Variants in AGBL4 observed in about 807,000 individuals in gnomAD.
The protein encoded by AGBL4 is AGBL carboxypeptidase 4.
AGBL4 carries 58 observed loss-of-function variants against 66.4 expected under a neutral mutation model. The ratio of observed to expected loss-of-function variants is 0.87; its 90% CI spans 0.71 to 1.09. The LOEUF (loss-of-function observed/expected upper bound fraction) is 1.09, where lower values mean the gene tolerates loss of function less well. Among genes scored for constraint, AGBL4 ranks in the 50% least tolerant of loss-of-function variants. AGBL4 has a pLI of 0.00. For synonymous variants in AGBL4, 234 were observed against 222.9 expected (o/e 1.05, Z -0.44); for missense variants, 579 against 631.0 (o/e 0.92, Z 0.88).
At chr1:49,595,548 G>C (rs1644836390) in intron 3 of AGBL4, among the ~76,000 whole-genome samples, 1 of 151,608 alleles carries the variant, frequency 6.6e-6, no homozygotes, top group South Asian at 2.1e-4. Context: ...CATCATTTTG[G>C]AAACATTGCT....
chr1:49,788,031 A>G (rs1644503839), intron 2 of AGBL4, among the ~76,000 whole-genome samples: 1 of 152,238 alleles, frequency 6.6e-6, no homozygotes, highest in Admixed American at 6.5e-5. Context: ...CAGGACATTC[A>G]AGGAGCCAGG....
At chr1:49,341,620 T>C (rs577789480) in intron 3 of AGBL4, among the ~76,000 whole-genome samples, 1 of 152,296 alleles carries the variant, frequency 6.6e-6, no homozygotes, top group South Asian at 2.1e-4. Context: ...CTATTCTCTT[T>C]GGATTAATCT....
intron 6 of AGBL4, among the ~76,000 whole-genome samples, chr1:48,857,793 TA>T (rs1313950537): frequency 1.3e-5 from 2 of 151,898 alleles, no homozygotes; most frequent in East Asian, 3.9e-4. Context: ...AGATATGATA[TA>T]AAAATCATAA....
intron 5 of AGBL4, among the ~76,000 whole-genome samples, chr1:48,994,007 C>T (rs1327723987): frequency 6.6e-6 from 1 of 152,144 alleles, no homozygotes; most frequent in Non-Finnish European, 1.5e-5. Flanking sequence ...GTGTAGATAG[C>T]TGTTAAATTT....
intron 3 of AGBL4, among the ~76,000 whole-genome samples, chr1:49,419,771 C>A (rs1420332254): frequency 1.3e-5 from 2 of 152,138 alleles, no homozygotes. Flanking sequence ...CAGAAAAATA[C>A]TATTAGGTAT....
intron 3 of AGBL4, among the ~76,000 whole-genome samples, chr1:49,291,795 G>A (rs1348324271): frequency 6.6e-6 from 1 of 152,166 alleles, no homozygotes; most frequent in East Asian, 1.9e-4. Context: ...GGCTGGGGCT[G>A]CACATTCCAC....
intron 6 of AGBL4, among the ~76,000 whole-genome samples, chr1:48,695,933 C>G (rs960654931): frequency 6.6e-6 from 1 of 152,060 alleles, no homozygotes; most frequent in East Asian, 1.9e-4. Context: ...ACTTGACCCA[C>G]TGGCCTGCAT....
intron 3 of AGBL4, among the ~76,000 whole-genome samples, chr1:49,514,991 T>G (rs1333574781): frequency 6.6e-6 from 1 of 151,934 alleles, no homozygotes; most frequent in Non-Finnish European, 1.5e-5. Flanking sequence ...GGACTTCATG[T>G]CTAAAACACC....
intron 2 of AGBL4, among the ~76,000 whole-genome samples, chr1:49,821,067 C>T (rs983503799): frequency 6.6e-6 from 1 of 152,116 alleles, no homozygotes. Context: ...TTATTACTTC[C>T]CACTAGCCCC....
chr1:49,678,142 G>A (rs1389049738), intron 3 of AGBL4, among the ~76,000 whole-genome samples: 2 of 152,106 alleles, frequency 1.3e-5, no homozygotes, highest in Non-Finnish European at 2.9e-5. Context: ...GTCCTTAATA[G>A]TTATAGAGCT....
At chr1:49,938,245 G>C (rs925725691) in intron 1 of AGBL4, among the ~76,000 whole-genome samples, 1 of 152,148 alleles carries the variant, frequency 6.6e-6, no homozygotes, top group African/African-American at 2.4e-5. Context: ...AGAAAATCTA[G>C]AAGAAATGGA....
At chr1:49,769,423 T>A (rs780978713) in intron 2 of AGBL4, among the ~76,000 whole-genome samples, 5 of 152,136 alleles carry the variant, frequency 3.3e-5, no homozygotes, top group Non-Finnish European at 5.9e-5. Flanking sequence ...GCTATTCTTA[T>A]CAAACTACCA....
intron 1 of AGBL4, among the ~76,000 whole-genome samples, chr1:50,007,196 G>A (rs1336673999): frequency 6.6e-6 from 1 of 151,984 alleles, no homozygotes; most frequent in East Asian, 1.9e-4. Flanking sequence ...AAGCCCCATG[G>A]TAACCTCAAA....
At chr1:49,705,510 C>A (rs1387212393) in intron 2 of AGBL4, among the ~76,000 whole-genome samples, 1 of 152,112 alleles carries the variant, frequency 6.6e-6, no homozygotes, top group East Asian at 1.9e-4. Context: ...TTCCTCTCTT[C>A]CTATTTGAAT....
chr1:49,331,908 A>G (rs1645342988), intron 3 of AGBL4, among the ~76,000 whole-genome samples: 1 of 152,150 alleles, frequency 6.6e-6, no homozygotes, highest in Admixed American at 6.5e-5. Flanking sequence ...CATAGCTCTG[A>G]TCTCTCCCTG....
chr1:49,056,187 T>TA (rs1293266094), intron 4 of AGBL4, among the ~76,000 whole-genome samples: 2 of 151,932 alleles, frequency 1.3e-5, no homozygotes, highest in Non-Finnish European at 2.9e-5. Flanking sequence ...AATACAAAAT[T>TA]AAAAAAATAT....
chr1:48,796,518 T>A (rs369395513), intron 6 of AGBL4, among the ~76,000 whole-genome samples: 3 of 152,216 alleles, frequency 2.0e-5, no homozygotes, highest in African/African-American at 7.2e-5. Context: ...TAGTATTGTC[T>A]TGGAAGGAAG....
chr1:49,905,935 T>G (rs1650228752), intron 1 of AGBL4, among the ~76,000 whole-genome samples: 1 of 152,094 alleles, frequency 6.6e-6, no homozygotes, highest in South Asian at 2.1e-4. Flanking sequence ...AAATCCCTAC[T>G]CTCTCCCTTA....
At chr1:49,969,576 T>C (rs907034132) in intron 1 of AGBL4, among the ~76,000 whole-genome samples, 4 of 152,166 alleles carry the variant, frequency 2.6e-5, no homozygotes, top group Admixed American at 6.5e-5. Context: ...ACTTCTTCTA[T>C]GGCTTCAACT....
Sources: allele counts gnomAD v4.1 joint callset (sites outside exome capture counted in the v4.1 genomes callset), GRCh38; gene constraint gnomAD v4.1.1; transcripts MANE v1.5; gene names NCBI Gene and HGNC (gene_info 2026-07-23, HGNC 2026-07-21).